The following BTAF1 variants were observed in gnomAD, a reference collection of about 807,000 sequenced individuals.
BTAF1 encodes the protein B-TFIID TATA-box binding protein associated factor 1.
In BTAF1, 38 loss-of-function variants were observed where a neutral mutation model predicts 227.1. That is an observed-to-expected ratio of 0.17 (90% CI 0.13 to 0.22). The LOEUF (loss-of-function observed/expected upper bound fraction) is 0.22. BTAF1 is among the 10% of genes least tolerant of loss of function. The pLI, the probability that BTAF1 is intolerant of heterozygous loss-of-function variation, is 1.00. For missense variants in BTAF1, 1,598 were observed against 2,204.0 expected, an observed-to-expected ratio of 0.73 and a Z score of 5.51; for synonymous variants, 742 against 751.9, an observed-to-expected ratio of 0.99 and a Z score of 0.21.
intron 28 of BTAF1, 76 bp from the exon 29 acceptor site, chr10:92,010,997 G>GCC: frequency 9.3e-7 from 1 of 1,071,362 alleles, no homozygotes; most frequent in Non-Finnish European, 1.4e-6. Context: ...CAGATTGAAA[G>GCC]CACTTTATAC....
In BTAF1 at chr10:91,981,714, T is replaced by C. The variant is rs759159250; in HGVS notation, c.1827T>C (p.Ala609=). 6.2e-7 allele frequency: 1 copy of C among 1,613,952 alleles called. No homozygotes were observed. Among genetic ancestry groups the C allele is most frequent in the Admixed American group, 1.7e-5 (1 of 59,990 alleles). ...VVAAACPWMG[A]WLCLMMQPSH... is the part of the protein sequence containing the mutation. Reference sequence around the variant, plus strand: ...CAGCTGCTTGCCCATGGATGGGTGCTTGGCTTTGCTTGATGATGCAGCCTT... The same window carrying C: ...CAGCTGCTTGCCCATGGATGGGTGCCTGGCTTTGCTTGATGATGCAGCCTT... The change falls in exon 16 of 38, where the codon GCT becomes GCC. Residue 609 remains alanine (A), a synonymous_variant. Transcript: ENST00000265990.
At chr10:91,953,437 T>G (rs761718592) in intron 5 of BTAF1, among the ~76,000 whole-genome samples, 2 of 152,170 alleles carry the variant, frequency 1.3e-5, no homozygotes, top group Non-Finnish European at 2.9e-5. Context: ...TATTTTGAAG[T>G]CTTACCTCTT....
chr10:91,963,087 T>G lies in BTAF1; in HGVS notation c.1404+409T>G, dbSNP rs78347117. ...TTAGTATTAATTATTAACTAATAAGTGCTGTGTAATCTATATATACACATA... is the reference window on the plus strand; with the variant it reads ...TTAGTATTAATTATTAACTAATAAGGGCTGTGTAATCTATATATACACATA... On this transcript the variant is annotated intron_variant, in intron 12 of 37. Coordinates refer to ENST00000265990, the MANE Select transcript of BTAF1 (RefSeq NM_003972.3). 2.0e-5 allele frequency among the ~76,000 whole-genome samples: 3 copies of G among 152,176 alleles called. No individual in the cohort carries two copies. The East Asian group carries it at 5.8e-4, about 30-fold the overall frequency.
At chr10:91,962,929 C>T (rs1451181189) in intron 12 of BTAF1, among the ~76,000 whole-genome samples, 1 of 151,708 alleles carries the variant, frequency 6.6e-6, no homozygotes, top group Non-Finnish European at 1.5e-5. Context: ...CCATTTCTTC[C>T]TAATTTTACT....
At chr10:91,976,041 G>A (rs559799346) in intron 14 of BTAF1, among the ~76,000 whole-genome samples, 1 of 152,188 alleles carries the variant, frequency 6.6e-6, no homozygotes, top group Admixed American at 6.5e-5. Context: ...GCAAGTGTTG[G>A]ACCTTCCGTA....
At chr10:91,948,647 G>T (rs537278476) in intron 4 of BTAF1, among the ~76,000 whole-genome samples, 2 of 150,642 alleles carry the variant, frequency 1.3e-5, no homozygotes, top group South Asian at 4.2e-4. Context: ...CTCCCAAAGT[G>T]CTGGGATTAC....
rs926410830 is a variant in BTAF1 at position 91,959,756 on chromosome 10, A to G, written c.991-29A>G. ...TGTGTGTGTGTATATATATATATATATATATATATATATATTATATTTTAA... is the reference window on the plus strand; with the variant it reads ...TGTGTGTGTGTATATATATATATATGTATATATATATATATTATATTTTAA... On this transcript the variant is annotated intron_variant, in intron 9 of 37. Transcript: ENST00000265990. 1.3e-3 allele frequency: 683 copies of G among 541,248 alleles called. 7 individuals carry two copies. The highest frequency in any genetic ancestry group is 0.011 in the East Asian group (229 of 21,580). 33.5% of individuals were successfully genotyped at this position (541,248 alleles called of 1,614,324 possible).
intron 23 of BTAF1, among the ~76,000 whole-genome samples, chr10:91,995,784 C>T (rs958176726): frequency 8.5e-5 from 13 of 152,102 alleles, no homozygotes; most frequent in Non-Finnish European, 1.3e-4. Flanking sequence ...AACTGTTGAA[C>T]AGATACCTGG....
Position 91,992,139 on chromosome 10 carries a change from G to A in BTAF1, c.2875G>A (p.Gly959Arg), listed in dbSNP as rs1848835035. ...NSKGSTSEKD[G>R]MHHTVTKHRG... is the part of the protein sequence containing the mutation. Reference sequence around the variant, plus strand: ...ATTAGGATCCACCTCAGAAAAAGATGGAATGCACCATACTGTCACCAAGCA... The same window carrying A: ...ATTAGGATCCACCTCAGAAAAAGATAGAATGCACCATACTGTCACCAAGCA... The change falls in exon 21 of 38, where the codon GGA becomes AGA. Residue 959 changes from glycine to arginine, a missense_variant. This residue lies in a region of BTAF1 where 425 missense variants were observed against 491.2 expected (regional missense o/e 0.87). Coordinates refer to ENST00000265990, the MANE Select transcript of BTAF1 (RefSeq NM_003972.3). 2 of 1,583,300 alleles carry A rather than the reference G, an allele frequency of 1.3e-6. No homozygotes were observed. Among genetic ancestry groups the A allele is most frequent in the Non-Finnish European group, 8.6e-7 (1 of 1,164,578 alleles).
chr10:91,948,723 G>A (rs1845558060), intron 4 of BTAF1, among the ~76,000 whole-genome samples: 1 of 149,782 alleles, frequency 6.7e-6, no homozygotes, highest in Non-Finnish European at 1.5e-5. Flanking sequence ...AAGTTATATT[G>A]GCATATTTTG....
chr10:92,015,926 A>AGG (rs1850688869), intron 32 of BTAF1, among the ~76,000 whole-genome samples: 2 of 152,174 alleles, frequency 1.3e-5, no homozygotes, highest in Non-Finnish European at 2.9e-5. Context: ...AAACATACAT[A>AGG]CAGGGTCTTG....
chr10:91,975,785 G>A (rs1417920897), intron 14 of BTAF1, among the ~76,000 whole-genome samples: 2 of 152,216 alleles, frequency 1.3e-5, no homozygotes, highest in Non-Finnish European at 2.9e-5. Flanking sequence ...TAACAAAAGG[G>A]TACAGACAAG....
chr10:91,942,908 C>G (rs140004974), intron 4 of BTAF1, among the ~76,000 whole-genome samples: 33 of 152,158 alleles, frequency 2.2e-4, no homozygotes, highest in African/African-American at 4.8e-4. Flanking sequence ...TAGTATAGAT[C>G]GTGGTAGTGT....
Position 92,029,713 on chromosome 10 carries a change from TAC to T in BTAF1, c.*784_*785del, listed in dbSNP as rs780234063. On this transcript the variant is annotated 3_prime_UTR_variant, in exon 38 of 38. Transcript: ENST00000265990. ...AATATATTTTTTGTAACTATGAACA[TAC>T]ACAGTTTTCCAGAAATAGATTTTAC... 8.5e-5 allele frequency: 13 copies of T among 152,204 alleles called. No individual in the cohort carries two copies. The highest frequency in any genetic ancestry group is 6.2e-4 in the South Asian group (3 of 4,828). 9.4% of individuals were successfully genotyped at this position (152,204 alleles called of 1,614,324 possible).
intron 32 of BTAF1, among the ~76,000 whole-genome samples, chr10:92,015,343 T>C (rs1396388572): frequency 6.6e-6 from 1 of 152,194 alleles, no homozygotes; most frequent in Non-Finnish European, 1.5e-5. Context: ...TAGGATTTGA[T>C]TCACTACGGT....
chr10:91,944,749 A>T (rs757478268), intron 4 of BTAF1, among the ~76,000 whole-genome samples: 1 of 152,158 alleles, frequency 6.6e-6, no homozygotes, highest in Non-Finnish European at 1.5e-5. Context: ...CCCAGCAACC[A>T]TGAGTCTACT....
chr10:91,999,778 AT>A (rs1408746729), intron 25 of BTAF1, among the ~76,000 whole-genome samples: 1 of 152,240 alleles, frequency 6.6e-6, no homozygotes, highest in Non-Finnish European at 1.5e-5. Context: ...ATGTACTGTT[AT>A]ACTGCAAGAA....
Position 92,018,904 on chromosome 10 carries a change from A to T in BTAF1, c.4832A>T (p.Gln1611Leu). Residue 1611 changes from glutamine (Q) to leucine (L), a missense_variant, in exon 34 of 38, where the codon CAA (glutamine) becomes CTA (leucine). Physicochemically the swap from Gln to Leu is moderately radical, Grantham distance 113. Around this residue, in one of 10 missense-constraint regions of BTAF1, gnomAD observed 205 missense variants for 244.5 expected, o/e 0.84. Transcript: ENST00000265990. ...CAGAATTCTTCTCTACATGATATTCAACATGCCCCTAAGCTCTCAGCTTTG... is the reference window on the plus strand; with the variant it reads ...CAGAATTCTTCTCTACATGATATTCTACATGCCCCTAAGCTCTCAGCTTTG... ...AVQNSSLHDI[Q>L]HAPKLSALKQ... 1 of 1,604,400 alleles carries T rather than the reference A, an allele frequency of 6.2e-7. No individual in the cohort carries two copies. Among genetic ancestry groups the T allele is most frequent in the Non-Finnish European group, 8.5e-7 (1 of 1,176,820 alleles).
intron 1 of BTAF1, among the ~76,000 whole-genome samples, chr10:91,926,811 T>A (rs1843870356): frequency 6.6e-6 from 1 of 152,250 alleles, no homozygotes; most frequent in African/African-American, 2.4e-5. Flanking sequence ...GTTCTTCGCT[T>A]CAGTCATATT....
Sources: gnomAD v4.1 joint callset for allele counts (sites outside exome capture counted in the v4.1 genomes callset) on GRCh38, gnomAD v4.1.1 for gene constraint, gnomAD v4.1.1 regional missense constraint, MANE v1.5 for transcripts, NCBI Gene and HGNC (gene_info 2026-07-23, HGNC 2026-07-21) for gene names.